The following ZFP90 variants were observed in gnomAD, a reference collection of about 807,000 sequenced individuals.
ZFP90 encodes zinc finger protein 90 homolog.
Under a neutral mutation model 60.8 loss-of-function variants are expected in ZFP90, and 38 were observed. The observed-to-expected ratio is 0.62, with a 90% CI of 0.48 to 0.82. The LOEUF (loss-of-function observed/expected upper bound fraction) is 0.82, where lower values mean the gene tolerates loss of function less well. ZFP90 is among the 40% of genes least tolerant of loss of function. The probability of loss-of-function intolerance (pLI) is 0.00; values close to 1 mark genes in which losing one functional copy is unlikely to be tolerated. For synonymous variants in ZFP90, 287 were observed against 264.8 expected (o/e 1.08, Z -0.82); for missense variants, 711 against 759.1 (o/e 0.94, Z 0.74).
intron 2 of ZFP90, among the ~76,000 whole-genome samples, chr16:68,575,535 CAAAAAAAAA>C (rs34872149): frequency 1.2e-5 from 1 of 82,372 alleles, no homozygotes; most frequent in Non-Finnish European, 2.3e-5. Context: ...TGTGAGTATG[CAAAAAAAAA>C]AAAAAAAAAA....
chr16:68,541,365 G>A (rs1468990919), intron 2 of ZFP90, among the ~76,000 whole-genome samples: 1 of 151,808 alleles, frequency 6.6e-6, no homozygotes, highest in Non-Finnish European at 1.5e-5. Context: ...TGTAAAGATG[G>A]GGTTTCTCCA....
upstream of ZFP90, among the ~76,000 whole-genome samples, chr16:68,537,864 G>A (rs1221545904): frequency 1.3e-5 from 2 of 152,082 alleles, no homozygotes; most frequent in Non-Finnish European, 2.9e-5. Flanking sequence ...CCCTTGCGCA[G>A]GATTTTGTGT....
At chr16:68,541,057 A>G (rs1388374056) in intron 2 of ZFP90, among the ~76,000 whole-genome samples, 14 of 150,616 alleles carry the variant, frequency 9.3e-5, no homozygotes, top group Non-Finnish European at 1.5e-4. Context: ...TTATTTTTTG[A>G]GACAGTCTCA....
chr16:68,550,592 G>C (rs751462125), intron 2 of ZFP90, among the ~76,000 whole-genome samples: 13 of 152,204 alleles, frequency 8.5e-5, no homozygotes, highest in Non-Finnish European at 1.5e-4. Context: ...ATTTGGACTA[G>C]CTACATTGCA....
At position 68,560,766 on chromosome 16, in the gene ZFP90, A is replaced by G. The variant is rs181675489; in HGVS notation, c.256+2198A>G. On this transcript the variant is annotated intron_variant, in intron 4 of 4. Transcript: ENST00000563169. ...GAGATGGGGTTTCTACTAAACTGCT[A>G]TTGGCCAGCCTGGTCTCAAACTCCT... Among the ~76,000 whole-genome samples the G allele has an allele frequency of 1.4e-4, 21 of 151,834 alleles. No homozygotes were observed. The East Asian group carries it at 2.3e-3, about 17-fold the overall frequency.
chr16:68,563,189 G>A lies in ZFP90; in HGVS notation c.402G>A (p.Trp134Ter). Residue 134 changes from tryptophan (W) to a stop codon, truncating the protein, a stop_gained, in exon 5 of 5, where the codon TGG becomes TGA. Coordinates refer to ENST00000563169, the MANE Select transcript of ZFP90 (RefSeq NM_001305203.2). LOFTEE classifies it high-confidence loss of function. ...SSQLDRQQENWKRHLGSEAST... is the reference protein window; with the variant it reads ...SSQLDRQQEN Reference sequence around the variant, plus strand: ...AGTTAGACAGGCAACAGGAAAACTGGAAGAGACATCTGGGATCAGAGGCAT... The same window carrying A: ...AGTTAGACAGGCAACAGGAAAACTGAAAGAGACATCTGGGATCAGAGGCAT... The A allele has an allele frequency of 6.2e-7, 1 of 1,614,124 alleles. No homozygotes were observed. Among genetic ancestry groups the A allele is most frequent in the Non-Finnish European group, 8.5e-7 (1 of 1,180,008 alleles).
At chr16:68,550,367 C>T (rs2091240026) in intron 2 of ZFP90, among the ~76,000 whole-genome samples, 1 of 152,166 alleles carries the variant, frequency 6.6e-6, no homozygotes. Flanking sequence ...TCAAGCCATT[C>T]TCCTGCCTCA....
chr16:68,542,777 G>A (rs1008729007), intron 2 of ZFP90, among the ~76,000 whole-genome samples: 4 of 152,144 alleles, frequency 2.6e-5, no homozygotes, highest in African/African-American at 9.7e-5. Flanking sequence ...TTTTGGCCTT[G>A]TAACTCGTTC....
chr16:68,554,562 C>T (rs1476806895), intron 2 of ZFP90, among the ~76,000 whole-genome samples: 1 of 152,184 alleles, frequency 6.6e-6, no homozygotes, highest in Non-Finnish European at 1.5e-5. Flanking sequence ...GTTGCCCTGT[C>T]AAGGCAAGAA....
chr16:68,567,675 C>G (rs2091545827), downstream of ZFP90, among the ~76,000 whole-genome samples: 1 of 152,186 alleles, frequency 6.6e-6, no homozygotes, highest in African/African-American at 2.4e-5. Context: ...AGACCTGGCT[C>G]AATTTCTGAA....
intron 2 of ZFP90, among the ~76,000 whole-genome samples, chr16:68,574,946 G>C (rs1256391262): frequency 1.2e-5 from 1 of 81,070 alleles, no homozygotes; most frequent in Non-Finnish European, 2.7e-5. Flanking sequence ...AAAAAAAGTG[G>C]AAAAAAAAAG....
intron 4 of ZFP90, chr16:68,562,115 T>C (rs1180092985): frequency 6.6e-6 from 1 of 152,234 alleles, no homozygotes; most frequent in Admixed American, 6.5e-5. Context: ...CCTACACTTT[T>C]AGTATGTATG....
At chr16:68,548,569 C>G (rs1024822543) in intron 2 of ZFP90, among the ~76,000 whole-genome samples, 5 of 149,632 alleles carry the variant, frequency 3.3e-5, no homozygotes, top group African/African-American at 1.2e-4. Context: ...CGGCTCACCG[C>G]TACCTCCGCT....
intron 2 of ZFP90, among the ~76,000 whole-genome samples, chr16:68,541,932 C>T (rs1379400082): frequency 6.6e-6 from 1 of 152,124 alleles, no homozygotes; most frequent in Non-Finnish European, 1.5e-5. Context: ...CGCCCTGGCT[C>T]AGTTGCATTC....
In ZFP90 at chr16:68,566,420, TTTGCATGCCACATAGCAGGATTCA is replaced by T. The variant is rs1374290761; in HGVS notation, c.*1727_*1750del. On this transcript the variant is annotated 3_prime_UTR_variant, in exon 5 of 5. Coordinates refer to ENST00000563169, the MANE Select transcript of ZFP90 (RefSeq NM_001305203.2). ...ATGGTGAACCTTTCCTACTGGATTC[TTTGCATGCCACATAGCAGGATTCA>T]TTGCCTTTCTCTCATCATGGATGGC... 1 of 985,488 alleles carries T rather than the reference TTTGCATGCCACATAGCAGGATTCA, an allele frequency of 1.0e-6. No individual in the cohort carries two copies. Among genetic ancestry groups the T allele is most frequent in the Non-Finnish European group, 1.2e-6 (1 of 829,942 alleles). 61.0% of individuals were successfully genotyped at this position (985,488 alleles called of 1,614,324 possible). A position where few individuals can be genotyped will look rare whatever the true frequency, so the allele number is the denominator to read the frequency against.
Position 68,552,594 on chromosome 16 carries a change from A to G in ZFP90, c.34-5404A>G, listed in dbSNP as rs147680448. ...AAGTAACGCTTGCCGAGGTGAAAGA[A>G]CGTTCTGGTTTCAAGGAGCTGTAAC... On this transcript the variant is annotated intron_variant, in intron 2 of 4. Transcript: ENST00000563169. Among the ~76,000 whole-genome samples, 54 of 152,270 alleles carry G rather than the reference A, an allele frequency of 3.5e-4. No individual in the cohort carries two copies. The East Asian group carries it at 0.01, about 29-fold the overall frequency.
rs1444279908 is a variant in ZFP90, at chr16:68,564,183, A to G, written c.1396A>G (p.Thr466Ala). The change falls in exon 5 of 5, where the codon ACT becomes GCT. Residue 466 changes from threonine to alanine, a missense_variant. This residue lies in a region of ZFP90 where 295 missense variants were observed against 274.0 expected (regional missense o/e 1.08). Coordinates refer to ENST00000563169, the MANE Select transcript of ZFP90 (RefSeq NM_001305203.2). ...AGACTTTAGTCACATTACAGACTTT[A>G]CTGACCATCAGAGGATCCATACTGC... ...GEDFSHITDF[T>A]DHQRIHTAEN... The G allele has an allele frequency of 1.2e-6, 2 of 1,614,166 alleles. No individual in the cohort carries two copies. Among genetic ancestry groups the G allele is most frequent in the South Asian group, 1.1e-5 (1 of 91,088 alleles).
At chr16:68,544,863 CCTTTTTTTTTTTTT>C (rs1308320785) in intron 2 of ZFP90, among the ~76,000 whole-genome samples, 1 of 121,502 alleles carries the variant, frequency 8.2e-6, no homozygotes, top group Non-Finnish European at 1.7e-5. Flanking sequence ...CCTGTGAACA[CCTTTTTTTTTTTTT>C]TTTTTTTTTT....
chr16:68,547,426 A>T (rs138217976), intron 2 of ZFP90, among the ~76,000 whole-genome samples: 2 of 152,006 alleles, frequency 1.3e-5, no homozygotes, highest in Non-Finnish European at 2.9e-5. Context: ...ACATTTTTGA[A>T]TTGTTTTTTG....
Sources: gnomAD v4.1 joint callset for allele counts (sites outside exome capture counted in the v4.1 genomes callset) on GRCh38, gnomAD v4.1.1 for gene constraint, gnomAD v4.1.1 regional missense constraint, MANE v1.5 for transcripts, NCBI Gene and HGNC (gene_info 2026-07-23, HGNC 2026-07-21) for gene names.